Variants in GALNT17 observed in about 807,000 individuals in gnomAD.
GALNT17 encodes the protein polypeptide N-acetylgalactosaminyltransferase 17.
Under a neutral mutation model 63.7 loss-of-function variants are expected in GALNT17, and 29 were observed. The observed-to-expected ratio is 0.46, with a 90% CI of 0.34 to 0.62. GALNT17 has a LOEUF of 0.62. Ranked by LOEUF, GALNT17 falls within the 20% of genes least tolerant of loss-of-function variation. GALNT17 has a pLI of 0.01. For synonymous variants in GALNT17, 305 were observed against 318.3 expected, an observed-to-expected ratio of 0.96 and a Z score of 0.45; for missense variants, 603 against 799.6, an observed-to-expected ratio of 0.75 and a Z score of 2.97.
chr7:71,528,624 G>A (rs945147306), intron 5 of GALNT17, among the ~76,000 whole-genome samples: 4 of 152,164 alleles, frequency 2.6e-5, no homozygotes, highest in African/African-American at 9.7e-5. Flanking sequence ...TGTGCCTGAA[G>A]ATCTTGTTTG....
At chr7:71,641,815 T>C (rs1053109401) in intron 6 of GALNT17, among the ~76,000 whole-genome samples, 3 of 152,026 alleles carry the variant, frequency 2.0e-5, no homozygotes, top group African/African-American at 7.3e-5. Context: ...ACAGTAAGTG[T>C]TCAAGTCTTA....
chr7:71,675,055 G>C (rs148111590), intron 8 of GALNT17, among the ~76,000 whole-genome samples: 2 of 152,208 alleles, frequency 1.3e-5, no homozygotes, highest in African/African-American at 4.8e-5. Context: ...GTGGTGGCGC[G>C]TGCCTGTAAT....
chr7:71,440,935 C>T (rs1583955742), intron 5 of GALNT17, among the ~76,000 whole-genome samples: 2 of 151,926 alleles, frequency 1.3e-5, no homozygotes, highest in African/African-American at 2.4e-5. Context: ...CATTTCTCCT[C>T]TTGTTTATGG....
At chr7:71,616,136 G>C (rs1198946945) in intron 6 of GALNT17, among the ~76,000 whole-genome samples, 1 of 152,160 alleles carries the variant, frequency 6.6e-6, no homozygotes, top group Non-Finnish European at 1.5e-5. Flanking sequence ...CAGAGAGTGG[G>C]GCTTTGTCAG....
chr7:71,550,632 C>T (rs1269679604), intron 5 of GALNT17, among the ~76,000 whole-genome samples: 2 of 152,158 alleles, frequency 1.3e-5, no homozygotes, highest in Non-Finnish European at 2.9e-5. Context: ...CCACCCACCT[C>T]GGCCTCCCAA....
intron 2 of GALNT17, among the ~76,000 whole-genome samples, chr7:71,387,393 A>G (rs1168178897): frequency 6.6e-6 from 1 of 151,690 alleles, no homozygotes; most frequent in Non-Finnish European, 1.5e-5. Flanking sequence ...TGGCATGATC[A>G]TAGCTCATGG....
intron 2 of GALNT17, among the ~76,000 whole-genome samples, chr7:71,386,304 A>T (rs1162218893): frequency 6.6e-6 from 1 of 152,164 alleles, no homozygotes; most frequent in Non-Finnish European, 1.5e-5. Flanking sequence ...AAACAGCTGT[A>T]TTTCTTGCTC....
chr7:71,658,009 A>T (rs1444121553), intron 6 of GALNT17, among the ~76,000 whole-genome samples: 1 of 151,942 alleles, frequency 6.6e-6, no homozygotes, highest in Admixed American at 6.6e-5. Context: ...GGCTCAAGTG[A>T]TCCTCCTGTC....
intron 3 of GALNT17, among the ~76,000 whole-genome samples, chr7:71,404,097 G>A (rs972420799): frequency 6.6e-6 from 1 of 152,154 alleles, no homozygotes; most frequent in African/African-American, 2.4e-5. Context: ...GCTCTCACCT[G>A]GATAGCCTAT....
intron 1 of GALNT17, among the ~76,000 whole-genome samples, chr7:71,153,046 A>AGCCCTG (rs146022185): frequency 0.032 from 4,934 of 152,306 alleles, 102 homozygotes; most frequent in Non-Finnish European, 0.04. Context: ...CCAGAGATAC[A>AGCCCTG]GCCCTGGCCC....
intron 9 of GALNT17, among the ~76,000 whole-genome samples, chr7:71,683,712 A>C (rs1480802542): frequency 6.6e-6 from 1 of 152,140 alleles, no homozygotes; most frequent in Non-Finnish European, 1.5e-5. Flanking sequence ...TTTTATTTAA[A>C]AATAGAATGT....
intron 1 of GALNT17, among the ~76,000 whole-genome samples, chr7:71,240,854 C>T (rs1006160895): frequency 6.6e-5 from 10 of 151,992 alleles, no homozygotes; most frequent in African/African-American, 1.9e-4. Context: ...TTAGTAGAGA[C>T]GGAGTTTCAC....
At chr7:71,274,597 G>A (rs1469992853) in intron 1 of GALNT17, among the ~76,000 whole-genome samples, 4 of 152,128 alleles carry the variant, frequency 2.6e-5, no homozygotes, top group Non-Finnish European at 4.4e-5. Context: ...TGCTTTTTAT[G>A]TATTTCACTT....
chr7:71,589,196 T>C (rs1181578543), intron 6 of GALNT17, among the ~76,000 whole-genome samples: 1 of 152,202 alleles, frequency 6.6e-6, no homozygotes, highest in Admixed American at 6.5e-5. Flanking sequence ...TCAGAGTACT[T>C]AGCTTACTAA....
rs746966640 is a variant in GALNT17, at chr7:71,338,672, G to T, written c.422+2939G>T. ...TGGAGAGAAAACCCCTGTGTTCCAG[G>T]CAGAACTCCACCTCCGCTTCTCAAA... On this transcript the variant is annotated intron_variant, in intron 2 of 10. Transcript: ENST00000333538. 1.7e-3 allele frequency among the ~76,000 whole-genome samples: 258 copies of T among 152,206 alleles called. 2 individuals carry two copies. The highest frequency in any genetic ancestry group is 1.7e-3 in the Non-Finnish European group (113 of 68,016).
intron 1 of GALNT17, among the ~76,000 whole-genome samples, chr7:71,295,437 T>A (rs554915670): frequency 6.6e-6 from 1 of 152,118 alleles, no homozygotes; most frequent in East Asian, 1.9e-4. Flanking sequence ...CCTCCTTCCT[T>A]CCTTTCTGTG....
intron 5 of GALNT17, among the ~76,000 whole-genome samples, chr7:71,548,087 TTA>T (rs1789016332): frequency 6.6e-6 from 1 of 151,738 alleles, no homozygotes; most frequent in African/African-American, 2.4e-5. Context: ...ATTTTTTTTT[TTA>T]AAAATTAGCT....
Position 71,132,900 on chromosome 7 carries a change from T to A in GALNT17, c.98T>A (p.Val33Glu), listed in dbSNP as rs750462637. 6.2e-7 allele frequency: 1 copy of A among 1,612,656 alleles called. No individual in the cohort carries two copies. Among genetic ancestry groups the A allele is most frequent in the Non-Finnish European group, 8.5e-7 (1 of 1,179,522 alleles). ...LFLAKCRPIA[V>E]RSGDAFHEIR... ...CTGGCCAAGTGCCGGCCCATCGCGG[T>A]GCGCAGCGGAGACGCCTTCCACGAG... The change falls in exon 1 of 11, where the codon GTG becomes GAG. Residue 33 changes from valine (V) to glutamate (E), a missense_variant. Physicochemically the swap from Val to Glu is moderately radical, Grantham distance 121. This residue lies in a region of GALNT17 where 195 missense variants were observed against 215.0 expected (regional missense o/e 0.91). Coordinates refer to ENST00000333538, the MANE Select transcript of GALNT17 (RefSeq NM_022479.3).
chr7:71,325,964 T>G (rs991854413), intron 1 of GALNT17, among the ~76,000 whole-genome samples: 1 of 152,240 alleles, frequency 6.6e-6, no homozygotes, highest in Non-Finnish European at 1.5e-5. Context: ...TAAAATTTCC[T>G]CCCAGTCTTC....
Sources: allele counts gnomAD v4.1 joint callset (sites outside exome capture counted in the v4.1 genomes callset), GRCh38; gene constraint gnomAD v4.1.1; regional missense constraint gnomAD v4.1.1; transcripts MANE v1.5; gene names NCBI Gene and HGNC (gene_info 2026-07-23, HGNC 2026-07-21).